SLC35F4: variants seen among roughly 807,000 people sequenced by gnomAD.
SLC35F4 encodes solute carrier family 35 member F4, also known as chromosome 14 open reading frame 36.
A neutral mutation model predicts 44.2 loss-of-function variants in SLC35F4; 24 were observed. That is an observed-to-expected ratio of 0.54 (90% CI 0.39 to 0.76). The LOEUF (loss-of-function observed/expected upper bound fraction) is 0.76, where lower values mean the gene tolerates loss of function less well. SLC35F4 is among the 30% of genes least tolerant of loss of function. The probability of loss-of-function intolerance (pLI) is 0.00; values close to 1 mark genes in which losing one functional copy is unlikely to be tolerated. For missense variants in SLC35F4, 562 were observed against 586.1 expected, an observed-to-expected ratio of 0.96 and a Z score of 0.42; for synonymous variants, 238 against 223.6, an observed-to-expected ratio of 1.06 and a Z score of -0.57.
At chr14:57,609,146 A>T (rs1197806149) in intron 1 of SLC35F4, among the ~76,000 whole-genome samples, 1 of 152,214 alleles carries the variant, frequency 6.6e-6, no homozygotes, top group Admixed American at 6.5e-5. Context: ...ATGTATGCAG[A>T]TGGATGCATG....
chr14:57,742,619 T>C (rs12881058), intron 1 of SLC35F4, among the ~76,000 whole-genome samples: 105 of 152,180 alleles, frequency 6.9e-4, no homozygotes, highest in Non-Finnish European at 1.2e-3. Context: ...CATGCAATAA[T>C]AATGGGAGAC....
At chr14:57,695,985 A>G (rs1298418198) in intron 1 of SLC35F4, among the ~76,000 whole-genome samples, 5 of 152,194 alleles carry the variant, frequency 3.3e-5, no homozygotes, top group Non-Finnish European at 7.3e-5. Flanking sequence ...AAAACCCTAG[A>G]AGAAAACCTA....
chr14:57,902,512 G>A (rs111548269), intron 1 of SLC35F4, among the ~76,000 whole-genome samples: 5,347 of 150,178 alleles, frequency 0.036, 321 homozygotes, highest in African/African-American at 0.12. Context: ...GTGGTGAGCC[G>A]AGATCACGCC....
intron 1 of SLC35F4, among the ~76,000 whole-genome samples, chr14:57,790,669 C>T (rs2077894353): frequency 6.6e-6 from 1 of 152,108 alleles, no homozygotes; most frequent in Non-Finnish European, 1.5e-5. Context: ...AAAGAGCCCA[C>T]ATAGCCAAGA....
In SLC35F4 at chr14:57,888,201, C is replaced by CA. The variant is rs148788506; in HGVS notation, n.282+93711dup. ...AGATTTGGGTTATTGGAGTTCAGAC[C>CA]AACTACTAAGAAACATAAGCCACAG... On this transcript the variant is annotated intron_variant and non_coding_transcript_variant, in intron 1 of 1. Transcript: ENST00000556568. Among the ~76,000 whole-genome samples the CA allele has an allele frequency of 7.5e-3, 1,149 of 152,194 alleles. 14 individuals carry two copies. The highest frequency in any genetic ancestry group is 0.026 in the African/African-American group (1,100 of 41,528).
intron 1 of SLC35F4, among the ~76,000 whole-genome samples, chr14:57,660,660 T>C (rs1285062381): frequency 6.6e-6 from 1 of 152,024 alleles, no homozygotes; most frequent in Non-Finnish European, 1.5e-5. Context: ...GACACTGTCT[T>C]TGTTGCTCAA....
chr14:57,969,408 T>C (rs975887856), intron 1 of SLC35F4, among the ~76,000 whole-genome samples: 1 of 152,240 alleles, frequency 6.6e-6, no homozygotes, highest in African/African-American at 2.4e-5. Flanking sequence ...TATCCTTTAA[T>C]TGAACATTTT....
intron 1 of SLC35F4, among the ~76,000 whole-genome samples, chr14:57,632,734 T>C (rs527746010): frequency 6.6e-6 from 1 of 152,170 alleles, no homozygotes; most frequent in South Asian, 2.1e-4. Flanking sequence ...TTTTTTGACA[T>C]GCCCAGGCTG....
rs184777876 is a variant in SLC35F4 at position 57,829,972 on chromosome 14, A to G, written c.103+35751T>C. Among the ~76,000 whole-genome samples, 26 of 152,358 alleles carry G rather than the reference A, an allele frequency of 1.7e-4. 1 individual carries two copies. Among genetic ancestry groups the G allele is most frequent in the Middle Eastern group, 6.8e-3 (2 of 294 alleles). On this transcript the variant is annotated intron_variant, in intron 1 of 7. Coordinates refer to ENST00000556826, the MANE Select transcript of SLC35F4 (RefSeq NM_001306087.2). ...GAAGAATAATCTTGCAGTTAAATGC[A>G]AATTGGAATGAAAAGAGAAGAGAGT...
At chr14:57,716,031 T>C (rs1594867841) in intron 1 of SLC35F4, among the ~76,000 whole-genome samples, 1 of 152,010 alleles carries the variant, frequency 6.6e-6, no homozygotes, top group African/African-American at 2.4e-5. Flanking sequence ...CAGTCAGAAG[T>C]AGTTTATTGG....
At chr14:57,945,787 AT>A (rs1389322631) in intron 1 of SLC35F4, among the ~76,000 whole-genome samples, 2 of 151,890 alleles carry the variant, frequency 1.3e-5, no homozygotes, top group African/African-American at 2.4e-5. Context: ...AACATCTATT[AT>A]TTTTTTATTT....
At chr14:57,718,543 T>C (rs2093634) in intron 1 of SLC35F4, among the ~76,000 whole-genome samples, 60,218 of 152,024 alleles carry the variant, frequency 0.4, 11,955 homozygotes, top group Middle Eastern at 0.43. Context: ...CCATTTTAAC[T>C]GGACTGAGAT....
At chr14:57,825,790 C>A (rs1320388069) in intron 1 of SLC35F4, among the ~76,000 whole-genome samples, 2 of 152,010 alleles carry the variant, frequency 1.3e-5, no homozygotes, top group Non-Finnish European at 2.9e-5. Flanking sequence ...GAATAAAATA[C>A]CTAAGAATAC....
chr14:57,592,122 C>T (rs900357530), intron 2 of SLC35F4, among the ~76,000 whole-genome samples: 1 of 152,208 alleles, frequency 6.6e-6, no homozygotes, highest in Non-Finnish European at 1.5e-5. Flanking sequence ...ATTTTGTTAT[C>T]ATTAAAATTG....
chr14:57,628,213 A>G (rs2072571022), intron 1 of SLC35F4, among the ~76,000 whole-genome samples: 1 of 148,196 alleles, frequency 6.7e-6, no homozygotes, highest in Non-Finnish European at 1.5e-5. Flanking sequence ...TACAGAAAAA[A>G]GACATCGCTG....
chr14:57,726,835 T>G (rs1381101934), intron 1 of SLC35F4, among the ~76,000 whole-genome samples: 3 of 152,128 alleles, frequency 2.0e-5, no homozygotes, highest in Non-Finnish European at 2.9e-5. Context: ...GCATTTGAAT[T>G]AGTGGGCTGG....
At chr14:57,733,798 G>A (rs2076403456) in intron 1 of SLC35F4, among the ~76,000 whole-genome samples, 1 of 151,560 alleles carries the variant, frequency 6.6e-6, no homozygotes, top group South Asian at 2.1e-4. Flanking sequence ...TTATAGCCTA[G>A]GAATGTGGAC....
Position 57,887,995 on chromosome 14 carries a change from T to C in SLC35F4, n.282+93918A>G, listed in dbSNP as rs920238690. ...TGGACATGCTGATGGTGCAGATTTA[T>C]TGGACCCAGGAGATGCAGTAGCCGC... On this transcript the variant is annotated intron_variant and non_coding_transcript_variant, in intron 1 of 1. Transcript: ENST00000556568. Among the ~76,000 whole-genome samples, 35 of 152,212 alleles carry C rather than the reference T, an allele frequency of 2.3e-4. 1 individual carries two copies. Among genetic ancestry groups the C allele is most frequent in the Admixed American group, 1.3e-4 (2 of 15,284 alleles).
chr14:57,915,825 G>A (rs1889317518), intron 1 of SLC35F4, among the ~76,000 whole-genome samples: 1 of 152,034 alleles, frequency 6.6e-6, no homozygotes, highest in Admixed American at 6.5e-5. Context: ...TCCAGTTCTG[G>A]GGTCTTCTTC....
Sources: gnomAD v4.1 joint callset for allele counts (sites outside exome capture counted in the v4.1 genomes callset) on GRCh38, gnomAD v4.1.1 for gene constraint, MANE v1.5 for transcripts, NCBI Gene and HGNC (gene_info 2026-07-23, HGNC 2026-07-21) for gene names.